PFAS: variants seen among roughly 807,000 people sequenced by gnomAD.
PFAS encodes FGAM synthase.
A neutral mutation model predicts 140.6 loss-of-function variants in PFAS; 97 were observed. That is an observed-to-expected ratio of 0.69 (90% confidence interval 0.59 to 0.82). The LOEUF (loss-of-function observed/expected upper bound fraction) is 0.82. Ranked by LOEUF, PFAS falls within the 40% of genes least tolerant of loss-of-function variation. PFAS has a pLI of 0.00. For synonymous variants in PFAS, 679 were observed against 718.8 expected (o/e 0.94, Z 0.88); for missense variants, 1,656 against 1,780.2 (o/e 0.93, Z 1.26).
At chr17:8,257,726 C>G in intron 9 of PFAS, 81 bp from the exon 10 acceptor site, 1 of 1,482,912 alleles carries the variant, frequency 6.7e-7, no homozygotes, top group South Asian at 1.1e-5. Flanking sequence ...GTGGCCTTGA[C>G]TCTTCCTGAA....
chr17:8,264,500 C>G lies in PFAS; in HGVS notation c.1948C>G (p.Leu650Val), dbSNP rs111582904. The stretch of plus-strand genomic sequence containing the variant: ...CTTCCTGCAGAGGAAGCCCCCCATG[C>G]TGCAGCCTCTGGCCTTGCCCCCAGG... ...EFFLQRKPPM[L>V]QPLALPPGLS... The change falls in exon 17 of 28, where the codon CTG becomes GTG. Residue 650 changes from leucine (L) to valine (V), a missense_variant. Leu to Val is a conservative substitution (Grantham distance 32, BLOSUM62 1). Around this residue, in one of 2 missense-constraint regions of PFAS, gnomAD observed 883 missense variants for 1,023.0 expected, o/e 0.86. Transcript: ENST00000314666. The G allele has an allele frequency of 6.2e-7, 1 of 1,613,838 alleles. No homozygotes were observed. Among genetic ancestry groups the G allele is most frequent in the East Asian group, 2.2e-5 (1 of 44,880 alleles).
At chr17:8,250,003 AG>A (rs1245009405) in intron 1 of PFAS, among the ~76,000 whole-genome samples, 2 of 152,224 alleles carry the variant, frequency 1.3e-5, no homozygotes, top group Non-Finnish European at 2.9e-5. Context: ...GCCATCTGAT[AG>A]TAACTACTTG....
Position 8,266,362 on chromosome 17 carries a change from C to T in PFAS, c.2821+9C>T, listed in dbSNP as rs191666097. Reference sequence around the variant, plus strand: ...TGTCCCCAGGGTTGATGGTAAGGAACCTGGGGTCTAGTCTCAGGCCCGGGC... The same window carrying T: ...TGTCCCCAGGGTTGATGGTAAGGAATCTGGGGTCTAGTCTCAGGCCCGGGC... On this transcript the variant is annotated intron_variant, in intron 22 of 27. Transcript: ENST00000314666. This position sits in a 1 kb window ranked among gnomAD's most constrained non-coding sequence, Gnocchi z 5.0. The T allele has an allele frequency of 1.1e-4, 177 of 1,613,958 alleles. 2 individuals carry two copies. In the East Asian group the frequency reaches 3.0e-3, roughly 28 times the overall value.
Position 8,258,111 on chromosome 17 carries a change from G to A in PFAS, c.1248G>A (p.Gln416=). 1 of 1,614,134 alleles carries A rather than the reference G, an allele frequency of 6.2e-7. No homozygotes were observed. The highest frequency in any genetic ancestry group is 1.1e-5 in the South Asian group (1 of 91,086). The change falls in exon 11 of 28, where the codon CAG becomes CAA. Residue 416 remains glutamine (Q), a synonymous_variant. Transcript: ENST00000314666. ...RSLGLQLPDG[Q]RREWIKPIMF... ...TGGGCCTCCAGCTCCCAGACGGCCA[G>A]CGGCGTGAGTGGATCAAGCCCATCA...
chr17:8,263,208 G>A lies in PFAS; in HGVS notation c.1510G>A (p.Glu504Lys), dbSNP rs778434958. 1 of 1,614,120 alleles carries A rather than the reference G, an allele frequency of 6.2e-7. No individual in the cohort carries two copies. Among genetic ancestry groups the A allele is most frequent in the Non-Finnish European group, 8.5e-7 (1 of 1,179,974 alleles). ...KMNRVIRACV[E>K]APKGNPICSL... ...GAACCGTGTGATCAGGGCTTGTGTG[G>A]AGGCCCCCAAGGGAAACCCCATCTG... Residue 504 changes from glutamate to lysine, a missense_variant, in exon 13 of 28, where the codon GAG becomes AAG. Coordinates refer to ENST00000314666, the MANE Select transcript of PFAS (RefSeq NM_012393.3).
chr17:8,254,660 C>T (rs1466016009), intron 3 of PFAS, among the ~76,000 whole-genome samples: 4 of 151,914 alleles, frequency 2.6e-5, no homozygotes, highest in South Asian at 2.1e-4. Context: ...AAAAATTAGC[C>T]GGGTGTGGTG....
At position 8,267,298 on chromosome 17, in the gene PFAS, C is replaced by T. The variant is rs1989857602; in HGVS notation, c.3175+63C>T. On this transcript the variant is annotated intron_variant, in intron 24 of 27. Transcript: ENST00000314666. This position sits in a 1 kb window ranked among gnomAD's most constrained non-coding sequence, Gnocchi z 4.9. Reference sequence around the variant, plus strand: ...CACTGAGCCTGGATGCCTGGGCCTGCCCTCAGAAAGGTGTCTGGGGAGTTG... The same window carrying T: ...CACTGAGCCTGGATGCCTGGGCCTGTCCTCAGAAAGGTGTCTGGGGAGTTG... 3 of 1,580,908 alleles carry T rather than the reference C, an allele frequency of 1.9e-6. No individual in the cohort carries two copies. The highest frequency in any genetic ancestry group is 2.6e-6 in the Non-Finnish European group (3 of 1,151,548).
chr17:8,270,278 T>C lies in PFAS; in HGVS notation c.*1014T>C, dbSNP rs1360330425. On this transcript the variant is annotated 3_prime_UTR_variant, in exon 28 of 28. Coordinates refer to ENST00000314666, the MANE Select transcript of PFAS (RefSeq NM_012393.3). ...ACTCTTCACTTACTGCATTGACTGT[T>C]GTTGATTAGTTATTATTGCAAAGCA... 1.3e-5 allele frequency: 2 copies of C among 152,178 alleles called. No homozygotes were observed. Among genetic ancestry groups the C allele is most frequent in the African/African-American group, 4.8e-5 (2 of 41,442 alleles). 9.4% of individuals were successfully genotyped at this position (152,178 alleles called of 1,614,324 possible). A position where few individuals can be genotyped will look rare whatever the true frequency, so the allele number is the denominator to read the frequency against.
At position 8,268,521 on chromosome 17, in the gene PFAS, A is replaced by G. The variant is rs1321172787; in HGVS notation, c.3383-12A>G. ...CTCCATGTCTCACCCTGACTTCCCT[A>G]TTCCCTGCTAGGGTGGGCAGCTGCT... On this transcript the variant is annotated splice_polypyrimidine_tract_variant and intron_variant, in intron 26 of 27. Coordinates refer to ENST00000314666, the MANE Select transcript of PFAS (RefSeq NM_012393.3). The G allele has an allele frequency of 1.9e-6, 3 of 1,604,984 alleles. No individual in the cohort carries two copies. The highest frequency in any genetic ancestry group is 2.2e-5 in the East Asian group (1 of 44,716).
Position 8,263,154 on chromosome 17 carries a change from C to CG in PFAS, c.1457dup (p.Gly487ArgfsTer30). 1.2e-6 allele frequency: 2 copies of CG among 1,613,790 alleles called. No homozygotes were observed. The highest frequency in any genetic ancestry group is 1.7e-6 in the Non-Finnish European group (2 of 1,179,704). ...TGACCTGGACTTTGGGGCTGTGCAG[C>CG]GAGGAGACCCGGAGATGGAACAGAA... On this transcript the variant is annotated frameshift_variant, in exon 13 of 28. Coordinates refer to ENST00000314666, the MANE Select transcript of PFAS (RefSeq NM_012393.3). LOFTEE classifies it high-confidence loss of function.
At chr17:8,257,160 C>T (rs574801621) in intron 9 of PFAS, among the ~76,000 whole-genome samples, 197 bp downstream of exon 9, 2 of 152,328 alleles carry the variant, frequency 1.3e-5, no homozygotes, top group African/African-American at 4.8e-5. Context: ...ACTGCTTTTG[C>T]AGGTCTACGA....
chr17:8,254,126 G>A, intron 2 of PFAS, 40 bp from the exon 3 acceptor site: 1 of 1,613,916 alleles, frequency 6.2e-7, no homozygotes, highest in East Asian at 2.2e-5. Context: ...TCGGTGCTGG[G>A]GGCAGTGTCT....
intron 1 of PFAS, among the ~76,000 whole-genome samples, chr17:8,249,979 T>C (rs929502786): frequency 6.6e-6 from 1 of 151,852 alleles, no homozygotes; most frequent in Non-Finnish European, 1.5e-5. Flanking sequence ...TTACAGGAAA[T>C]TAAAATAGGG....
rs765377606 is a variant in PFAS at position 8,254,038 on chromosome 17, A to G, written c.101A>G (p.Gln34Arg). 6.2e-7 allele frequency: 1 copy of G among 1,614,184 alleles called. No homozygotes were observed. The highest frequency in any genetic ancestry group is 1.1e-5 in the South Asian group (1 of 91,082). The change falls in exon 2 of 28, where the codon CAG becomes CGG. Residue 34 changes from glutamine to arginine, a missense_variant. Around this residue, in one of 2 missense-constraint regions of PFAS, gnomAD observed 773 missense variants for 757.3 expected, o/e 1.02. Coordinates refer to ENST00000314666, the MANE Select transcript of PFAS (RefSeq NM_012393.3). Reference protein sequence around the residue: ...RKLQGKLPELQGVETELCYNV... With the variant: ...RKLQGKLPELRGVETELCYNV... ...CTGCAAGGGAAACTGCCAGAGCTGC[A>G]GGGCGTCGAGACTGAACTGTGCTAC...
At chr17:8,248,504 A>G (rs1056026542), upstream of PFAS, among the ~76,000 whole-genome samples, 1 of 136,842 alleles carries the variant, frequency 7.3e-6, no homozygotes, top group South Asian at 2.3e-4. Context: ...CAGGTGATCC[A>G]CCCGCCTCAG....
At chr17:8,262,853 TG>T in intron 11 of PFAS, 66 bp from the exon 12 acceptor site, 1 of 1,244,498 alleles carries the variant, frequency 8.0e-7, no homozygotes, top group Non-Finnish European at 1.2e-6. Context: ...GTGTTCACGC[TG>T]CCTTGCTTTC....
intron 15 of PFAS, 130 bp downstream of exon 15, chr17:8,264,066 G>T: frequency 1.4e-6 from 2 of 1,452,350 alleles, no homozygotes; most frequent in Non-Finnish European, 1.9e-6. Context: ...CAAGCTGTGG[G>T]GAATGTTGGA....
intron 15 of PFAS, 116 bp from the exon 16 acceptor site, chr17:8,264,096 T>C (rs1989707538): frequency 6.7e-7 from 1 of 1,487,486 alleles, no homozygotes; most frequent in Non-Finnish European, 9.4e-7. Flanking sequence ...GGGCAGGGAC[T>C]CAATATGGAA....
intron 9 of PFAS, among the ~76,000 whole-genome samples, 163 bp downstream of exon 9, chr17:8,257,126 G>A (rs1164104511): frequency 6.6e-6 from 1 of 152,216 alleles, no homozygotes; most frequent in Non-Finnish European, 1.5e-5. Context: ...CATAAGTGTA[G>A]ACCTGGGGAG....
Sources: allele counts gnomAD v4.1 joint callset (sites outside exome capture counted in the v4.1 genomes callset), GRCh38; gene constraint gnomAD v4.1.1; regional missense constraint gnomAD v4.1.1; non-coding constraint Gnocchi (gnomAD v3.1); transcripts MANE v1.5; gene names NCBI Gene and HGNC (gene_info 2026-07-23, HGNC 2026-07-21).